BMP6: variants seen among roughly 807,000 people sequenced by gnomAD.
BMP6 encodes the protein VG-1-R.
In BMP6, 17 loss-of-function variants were observed where a neutral mutation model predicts 54.1. The ratio of observed to expected loss-of-function variants is 0.31; its 90% CI spans 0.22 to 0.47. The LOEUF (loss-of-function observed/expected upper bound fraction) is 0.47. Among genes scored for constraint, BMP6 ranks in the 20% least tolerant of loss-of-function variants. The probability of loss-of-function intolerance (pLI) is 1.00; values close to 1 mark genes in which losing one functional copy is unlikely to be tolerated. For synonymous variants in BMP6, 328 were observed against 291.2 expected, an observed-to-expected ratio of 1.13 and a Z score of -1.28; for missense variants, 720 against 690.4, an observed-to-expected ratio of 1.04 and a Z score of -0.48.
At chr6:7,804,830 A>G (rs1242340715) in intron 1 of BMP6, among the ~76,000 whole-genome samples, 1 of 152,162 alleles carries the variant, frequency 6.6e-6, no homozygotes, top group African/African-American at 2.4e-5. Flanking sequence ...TTTAAATTAG[A>G]TGATTTCCAT....
At chr6:7,875,266 C>T (rs571683966) in intron 4 of BMP6, among the ~76,000 whole-genome samples, 1 of 152,234 alleles carries the variant, frequency 6.6e-6, no homozygotes, top group African/African-American at 2.4e-5. Flanking sequence ...CTCTCTGGGC[C>T]CTGAACCGAG....
intron 1 of BMP6, among the ~76,000 whole-genome samples, chr6:7,781,967 CT>C (rs1757955174): frequency 1.3e-5 from 2 of 151,444 alleles, no homozygotes; most frequent in South Asian, 4.2e-4. Flanking sequence ...ATGGTAGGGG[CT>C]GCCTTGATCA....
intron 2 of BMP6, 113 bp downstream of exon 2, chr6:7,845,445 C>A: frequency 1.1e-6 from 1 of 937,498 alleles, no homozygotes; most frequent in Non-Finnish European, 1.5e-6. Context: ...TCAGGGGCAG[C>A]ATGTGAGTAC....
At chr6:7,846,572 A>G (rs975724939) in intron 2 of BMP6, among the ~76,000 whole-genome samples, 4 of 152,260 alleles carry the variant, frequency 2.6e-5, no homozygotes, top group Admixed American at 6.5e-5. Context: ...GTATGAACAT[A>G]CATGCTGATA....
intron 1 of BMP6, among the ~76,000 whole-genome samples, chr6:7,829,565 G>T (rs1258051536): frequency 6.6e-6 from 1 of 152,170 alleles, no homozygotes; most frequent in East Asian, 1.9e-4. Flanking sequence ...CATTAGCTAT[G>T]CATGGCAGTG....
At chr6:7,876,240 T>C (rs1268538570) in intron 4 of BMP6, among the ~76,000 whole-genome samples, 1 of 152,222 alleles carries the variant, frequency 6.6e-6, no homozygotes, top group African/African-American at 2.4e-5. Flanking sequence ...TTGCTATCCA[T>C]TTTGTGTTTC....
chr6:7,808,338 G>A (rs564126124), intron 1 of BMP6, among the ~76,000 whole-genome samples: 1 of 152,250 alleles, frequency 6.6e-6, no homozygotes, highest in African/African-American at 2.4e-5. Flanking sequence ...ACTGATAGGT[G>A]GATGAGGAAG....
At chr6:7,815,334 A>C (rs1211220830) in intron 1 of BMP6, among the ~76,000 whole-genome samples, 1 of 152,252 alleles carries the variant, frequency 6.6e-6, no homozygotes, top group East Asian at 1.9e-4. Context: ...AAGAGCAAGA[A>C]CTTCTGAATA....
intron 1 of BMP6, among the ~76,000 whole-genome samples, chr6:7,729,533 T>TA (rs1235268358): frequency 3.3e-5 from 5 of 152,198 alleles, no homozygotes; most frequent in Admixed American, 1.3e-4. Context: ...CCGGGGGACT[T>TA]AGAGTTCTAG....
In BMP6 at chr6:7,790,971, G is replaced by A. The variant is rs900952696; in HGVS notation, c.665-54169G>A. ...CTCCTTCCCATGAGCATTTATACAC[G>A]CTTGAGTCTGTCTGACAGAAACCTC... On this transcript the variant is annotated intron_variant, in intron 1 of 6. Coordinates refer to ENST00000283147, the MANE Select transcript of BMP6 (RefSeq NM_001718.6). 1.3e-4 allele frequency among the ~76,000 whole-genome samples: 20 copies of A among 152,088 alleles called. No individual in the cohort carries two copies. The East Asian group carries it at 3.3e-3, about 25-fold the overall frequency.
intron 1 of BMP6, among the ~76,000 whole-genome samples, chr6:7,778,228 C>T (rs1026952551): frequency 2.0e-5 from 3 of 152,102 alleles, no homozygotes; most frequent in Non-Finnish European, 2.9e-5. Flanking sequence ...GATAAATGCA[C>T]GTTGTAGAAA....
intron 1 of BMP6, among the ~76,000 whole-genome samples, chr6:7,789,413 G>C (rs550350944): frequency 6.6e-6 from 1 of 152,192 alleles, no homozygotes; most frequent in Admixed American, 6.5e-5. Flanking sequence ...AAAGGTCAAA[G>C]AAAAACATTT....
At chr6:7,836,902 A>C (rs1376590290) in intron 1 of BMP6, among the ~76,000 whole-genome samples, 1 of 152,214 alleles carries the variant, frequency 6.6e-6, no homozygotes, top group East Asian at 1.9e-4. Flanking sequence ...CCAGCCAGAA[A>C]TGTCCTTGTT....
At chr6:7,808,751 C>CA (rs1758390922) in intron 1 of BMP6, among the ~76,000 whole-genome samples, 1 of 151,356 alleles carries the variant, frequency 6.6e-6, no homozygotes, top group East Asian at 1.9e-4. Context: ...ATGTCTCAAA[C>CA]AAAAAATTTA....
At chr6:7,811,166 T>C (rs1331671164) in intron 1 of BMP6, among the ~76,000 whole-genome samples, 1 of 152,228 alleles carries the variant, frequency 6.6e-6, no homozygotes, top group Non-Finnish European at 1.5e-5. Flanking sequence ...ATTGGGGCTA[T>C]TCTCGTCTTG....
chr6:7,765,828 G>A (rs561192493), intron 1 of BMP6, among the ~76,000 whole-genome samples: 1 of 152,188 alleles, frequency 6.6e-6, no homozygotes, highest in African/African-American at 2.4e-5. Context: ...CCATTTCCTC[G>A]CTGTTTCCAG....
chr6:7,837,606 T>A (rs528201054), intron 1 of BMP6, among the ~76,000 whole-genome samples: 1 of 152,076 alleles, frequency 6.6e-6, no homozygotes, highest in East Asian at 1.9e-4. Flanking sequence ...GGATGCAAAG[T>A]CAAAGAATGA....
intron 1 of BMP6, among the ~76,000 whole-genome samples, chr6:7,843,682 A>G (rs151163005): frequency 5.5e-4 from 83 of 152,260 alleles, no homozygotes; most frequent in Middle Eastern, 3.4e-3. Context: ...ACTCTGGGGA[A>G]AAGAGTCAAG....
Position 7,880,106 on chromosome 6 carries a change from G to A in BMP6, c.1392+5G>A. On this transcript the variant is annotated splice_donor_5th_base_variant and intron_variant, in intron 6 of 6. Coordinates refer to ENST00000283147, the MANE Select transcript of BMP6 (RefSeq NM_001718.6). ...CACGCGATTGTGCAGACCTTGGTGA[G>A]CTCTCGGAGACTTTGTTTTGTAAGT... is the stretch of plus-strand genomic sequence containing the variant. 1 of 1,614,112 alleles carries A rather than the reference G, an allele frequency of 6.2e-7. No individual in the cohort carries two copies. Among genetic ancestry groups the A allele is most frequent in the Non-Finnish European group, 8.5e-7 (1 of 1,179,980 alleles).
Sources: gnomAD v4.1 joint callset for allele counts (sites outside exome capture counted in the v4.1 genomes callset) on GRCh38, gnomAD v4.1.1 for gene constraint, MANE v1.5 for transcripts, NCBI Gene and HGNC (gene_info 2026-07-23, HGNC 2026-07-21) for gene names.